The following PLEKHM3 variants were observed in gnomAD, a reference collection of about 807,000 sequenced individuals.
PLEKHM3 encodes pleckstrin homology domain containing M3.
A neutral mutation model predicts 81.8 loss-of-function variants in PLEKHM3; 45 were observed. That is an observed-to-expected ratio of 0.55 (90% confidence interval 0.43 to 0.71). The LOEUF (loss-of-function observed/expected upper bound fraction) is 0.71, where lower values mean the gene tolerates loss of function less well. Among genes scored for constraint, PLEKHM3 ranks in the 30% least tolerant of loss-of-function variants. The pLI is 0.00. For missense variants in PLEKHM3, 788 were observed against 924.3 expected, an observed-to-expected ratio of 0.85 and a Z score of 1.91; for synonymous variants, 352 against 356.4, an observed-to-expected ratio of 0.99 and a Z score of 0.14.
Position 207,977,305 on chromosome 2 carries a change from C to G in PLEKHM3, c.892G>C (p.Asp298His). The change falls in exon 3 of 8, where the codon GAC becomes CAC. Residue 298 changes from aspartate to histidine, a missense_variant. By Grantham distance (81) the Asp-to-His change is moderately conservative. Coordinates refer to ENST00000427836, the MANE Select transcript of PLEKHM3 (RefSeq NM_001080475.3). ...ACTTCCCAAAGCTTCTGTCCCCAGTCCAAAGCCTCCCATGGTGACTCTGCC... is the reference window on the plus strand; with the variant it reads ...ACTTCCCAAAGCTTCTGTCCCCAGTGCAAAGCCTCCCATGGTGACTCTGCC... ...LKAESPWEAL[D>H]WGQKLWEVVH... is the part of the protein sequence containing the mutation. The G allele has an allele frequency of 6.2e-7, 1 of 1,614,186 alleles. No homozygotes were observed. Among genetic ancestry groups the G allele is most frequent in the Non-Finnish European group, 8.5e-7 (1 of 1,180,042 alleles).
chr2:207,916,414 G>T (rs889329546), intron 5 of PLEKHM3, among the ~76,000 whole-genome samples: 2 of 152,002 alleles, frequency 1.3e-5, no homozygotes, highest in Admixed American at 6.6e-5. Context: ...CACTTCCCCC[G>T]CAATGAGTTT....
intron 5 of PLEKHM3, among the ~76,000 whole-genome samples, chr2:207,923,905 A>ATATATATATTT (rs1396762429): frequency 4.9e-4 from 14 of 28,338 alleles, no homozygotes; most frequent in East Asian, 3.6e-3. Context: ...ATATATATAT[A>ATATATATATTT]TTTTTTTTTT....
chr2:208,012,324 C>T (rs1692730590), intron 1 of PLEKHM3, among the ~76,000 whole-genome samples: 1 of 152,026 alleles, frequency 6.6e-6, no homozygotes, highest in South Asian at 2.1e-4. Context: ...CTTGTAGTAA[C>T]CTCAAAAAAG....
At chr2:207,908,401 G>T in intron 6 of PLEKHM3, 113 bp downstream of exon 6, 8 of 961,980 alleles carry the variant, frequency 8.3e-6, no homozygotes, top group South Asian at 2.9e-5. Flanking sequence ...AATTATCAGG[G>T]TTTCTGATGA....
chr2:207,950,155 T>C (rs762033001), intron 3 of PLEKHM3, among the ~76,000 whole-genome samples: 1 of 152,222 alleles, frequency 6.6e-6, no homozygotes, highest in Non-Finnish European at 1.5e-5. Context: ...CATAAACACC[T>C]ACCTTTAGTC....
chr2:207,885,264 A>G (rs536359052), intron 6 of PLEKHM3, among the ~76,000 whole-genome samples: 44 of 152,312 alleles, frequency 2.9e-4, no homozygotes, highest in Middle Eastern at 6.8e-3. Flanking sequence ...CCTTGAATTT[A>G]ACAGATCTTC....
Position 208,001,178 on chromosome 2 carries a change from A to G in PLEKHM3, c.462T>C (p.Ile154=). 2 of 1,614,102 alleles carry G rather than the reference A, an allele frequency of 1.2e-6. No homozygotes were observed. The highest frequency in any genetic ancestry group is 8.5e-7 in the Non-Finnish European group (1 of 1,180,016). Residue 154 remains isoleucine (I), a synonymous_variant, in exon 2 of 8, where the codon ATT becomes ATC. Transcript: ENST00000427836. ...KPGHARSRSD[I]TQVDWRVVLK... ...GGACTACCCTCCAGTCCACTTGGGT[A>G]ATATCTGATCGTGATCGAGCATGCC...
At chr2:207,905,942 G>A (rs958233922) in intron 6 of PLEKHM3, among the ~76,000 whole-genome samples, 22 of 152,226 alleles carry the variant, frequency 1.4e-4, no homozygotes, top group African/African-American at 5.1e-4. Context: ...AAAAAGAAAA[G>A]GGGGTGGAGA....
intron 5 of PLEKHM3, among the ~76,000 whole-genome samples, chr2:207,921,405 T>C (rs954508419): frequency 6.6e-6 from 1 of 152,196 alleles, no homozygotes; most frequent in African/African-American, 2.4e-5. Flanking sequence ...ATGATATGTA[T>C]TGATAGAGTA....
At chr2:207,983,268 G>T (rs1294537909) in intron 2 of PLEKHM3, among the ~76,000 whole-genome samples, 1 of 150,822 alleles carries the variant, frequency 6.6e-6, no homozygotes, top group African/African-American at 2.4e-5. Context: ...AACCAGGATG[G>T]TCTCAATCTC....
chr2:208,010,890 T>A (rs1423845039), intron 1 of PLEKHM3, among the ~76,000 whole-genome samples: 1 of 152,034 alleles, frequency 6.6e-6, no homozygotes, highest in Non-Finnish European at 1.5e-5. Context: ...AATCACTTGG[T>A]TTTTACAGAA....
intron 6 of PLEKHM3, among the ~76,000 whole-genome samples, chr2:207,881,176 A>G (rs1229129859): frequency 1.3e-5 from 2 of 152,210 alleles, no homozygotes; most frequent in Non-Finnish European, 2.9e-5. Context: ...CAAGAAGGTT[A>G]AACTAATTAT....
intron 3 of PLEKHM3, among the ~76,000 whole-genome samples, chr2:207,972,248 G>A (rs1019829356): frequency 6.6e-6 from 1 of 151,942 alleles, no homozygotes; most frequent in Non-Finnish European, 1.5e-5. Flanking sequence ...GGGTCCTAGA[G>A]GTAGGCATGA....
intron 5 of PLEKHM3, among the ~76,000 whole-genome samples, chr2:207,925,939 CT>C (rs1318588783): frequency 1.3e-5 from 2 of 151,920 alleles, no homozygotes; most frequent in Admixed American, 6.6e-5. Flanking sequence ...TTGAGATGAA[CT>C]TCCTGACCGA....
intron 3 of PLEKHM3, among the ~76,000 whole-genome samples, chr2:207,949,793 G>T (rs1480885991): frequency 6.6e-6 from 1 of 151,978 alleles, no homozygotes; most frequent in Non-Finnish European, 1.5e-5. Flanking sequence ...AATTTTTTTT[G>T]ATATAACAGA....
At chr2:207,977,928 A>T (rs1691376461) in intron 2 of PLEKHM3, among the ~76,000 whole-genome samples, 1 of 152,112 alleles carries the variant, frequency 6.6e-6, no homozygotes, top group Admixed American at 6.5e-5. Context: ...CTCTATAAAA[A>T]ATTAAAAAAT....
chr2:207,938,341 TCC>T (rs1432160767), intron 4 of PLEKHM3, among the ~76,000 whole-genome samples: 298 of 152,282 alleles, frequency 2.0e-3, no homozygotes, highest in African/African-American at 6.8e-3. Flanking sequence ...ATAGACGAAA[TCC>T]TGCTTTAAAA....
rs139360462 is a variant in PLEKHM3 at position 207,856,166 on chromosome 2, T to G, written c.2108+4939A>C. Among the ~76,000 whole-genome samples, 33 of 152,282 alleles carry G rather than the reference T, an allele frequency of 2.2e-4. 1 individual carries two copies. In the East Asian group the frequency reaches 6.2e-3, roughly 28 times the overall value. On this transcript the variant is annotated intron_variant, in intron 7 of 7. Transcript: ENST00000427836. ...TTAAATTTTTATTAATAATAGACTATTTTTTAGAATAGTTTTAGATTAAGA... is the reference window on the plus strand; with the variant it reads ...TTAAATTTTTATTAATAATAGACTAGTTTTTAGAATAGTTTTAGATTAAGA...
chr2:207,930,692 C>A (rs1228948571), intron 5 of PLEKHM3, among the ~76,000 whole-genome samples: 1 of 152,106 alleles, frequency 6.6e-6, no homozygotes, highest in African/African-American at 2.4e-5. Context: ...TGGGTGAAAG[C>A]CTTCAGTAAC....
Sources: allele counts gnomAD v4.1 joint callset (sites outside exome capture counted in the v4.1 genomes callset), GRCh38; gene constraint gnomAD v4.1.1; transcripts MANE v1.5; gene names NCBI Gene and HGNC (gene_info 2026-07-23, HGNC 2026-07-21).